ZNF469: variants seen among roughly 807,000 people sequenced by gnomAD.
ZNF469 encodes the protein zinc finger protein 469.
In ZNF469, 1 loss-of-function variant was observed where a neutral mutation model predicts 1.0. The observed-to-expected ratio is 1.00, with a 90% CI of 0.35 to 4.73. ZNF469 has a LOEUF of 4.73. Ranked by LOEUF, ZNF469 falls within the 30% of genes most tolerant of loss-of-function variation. ZNF469 has a pLI of 0.16. For missense variants in ZNF469, 6,100 were observed against 5,356.3 expected (o/e 1.14, Z -4.33); for synonymous variants, 2,703 against 2,363.4 (o/e 1.14, Z -4.17).
the ZNF469 span, among the ~76,000 whole-genome samples, chr16:88,347,673 G>A: frequency 1.3e-5 from 2 of 152,214 alleles, no homozygotes; most frequent in Non-Finnish European, 2.9e-5. Context: ...GGAAGGCGGG[G>A]CCAGTCTCCT....
At chr16:88,408,666 G>A (rs72805351) in intron 1 of ZNF469, among the ~76,000 whole-genome samples, 12,107 of 152,210 alleles carry the variant, frequency 0.08, 699 homozygotes, top group Non-Finnish European at 0.12. Context: ...CTTTCCTTCC[G>A]GAATCGTCTC....
At chr16:88,288,969 C>T in the ZNF469 span, among the ~76,000 whole-genome samples, 41 of 152,132 alleles carry the variant, frequency 2.7e-4, no homozygotes, top group African/African-American at 9.9e-4. Flanking sequence ...GGTGACTCTA[C>T]AGTTATAGTA....
the ZNF469 span, among the ~76,000 whole-genome samples, chr16:88,228,460 A>G: frequency 1.3e-5 from 2 of 152,252 alleles, no homozygotes; most frequent in East Asian, 3.8e-4. Flanking sequence ...CAGCCCTGTC[A>G]GAGCAGAGGA....
At chr16:88,244,397 A>ATGGATGGATGGATGGG in the ZNF469 span, among the ~76,000 whole-genome samples, 4 of 25,796 alleles carry the variant, frequency 1.6e-4, no homozygotes, top group Admixed American at 1.2e-3. Context: ...GCATGGGTGG[A>ATGGATGGATGGATGGG]TGGATGGATG....
In ZNF469 at chr16:88,429,734, T is replaced by C; in HGVS notation, c.2264T>C (p.Leu755Pro). 1 of 1,544,552 alleles carries C rather than the reference T, an allele frequency of 6.5e-7. No homozygotes were observed. The highest frequency in any genetic ancestry group is 8.7e-7 in the Non-Finnish European group (1 of 1,144,334). ...CTGGCCCACCGGCAGTTCTGTGGCC[T>C]GCTCCTGGCCAGGGCCAAGGATGGC... is the stretch of plus-strand genomic sequence containing the variant. ...AFLAHRQFCG[L>P]LLARAKDGHQ... The change falls in exon 3 of 3, where the codon CTG (leucine) becomes CCG (proline). Residue 755 changes from leucine (L) to proline (P), a missense_variant. Physicochemically the swap from Leu to Pro is moderately conservative, Grantham distance 98. Transcript: ENST00000565624.
rs1354043098 is a variant in ZNF469, at chr16:88,438,963, G to A, written c.11493G>A (p.Val3831=). ...CAGGGCCAGCCAGGAGTGAAAGTGTGGGGAGCTTCGGGAGAGCCCCCTCAG... is the reference window on the plus strand; with the variant it reads ...CAGGGCCAGCCAGGAGTGAAAGTGTAGGGAGCTTCGGGAGAGCCCCCTCAG... ...QVPGPARSES[V]GSFGRAPSAP... The change falls in exon 3 of 3, where the codon GTG becomes GTA. Residue 3831 remains valine (V), a synonymous_variant. Transcript: ENST00000565624. 1 of 1,550,396 alleles carries A rather than the reference G, an allele frequency of 6.4e-7. No individual in the cohort carries two copies. The highest frequency in any genetic ancestry group is 2.4e-5 in the East Asian group (1 of 40,918).
chr16:88,432,656 C>T lies in ZNF469; in HGVS notation c.5186C>T (p.Pro1729Leu), dbSNP rs1906282839. ...TGCCTGCCTGAGCCCAGCAAGCAGC[C>T]TGGCCCACAGCTGGATGCCGGGAGT... is the stretch of plus-strand genomic sequence containing the variant. Reference protein sequence around the residue: ...DVCLPEPSKQPGPQLDAGSLA... With the variant: ...DVCLPEPSKQLGPQLDAGSLA... Residue 1729 changes from proline (P) to leucine (L), a missense_variant, in exon 3 of 3, where the codon CCT becomes CTT. Pro to Leu is a moderately conservative substitution (Grantham distance 98, BLOSUM62 -3). Transcript: ENST00000565624. 2 of 1,550,454 alleles carry T rather than the reference C, an allele frequency of 1.3e-6. No homozygotes were observed. Among genetic ancestry groups the T allele is most frequent in the East Asian group, 2.4e-5 (1 of 40,926 alleles).
the ZNF469 span, among the ~76,000 whole-genome samples, chr16:88,148,515 A>G: frequency 2.0e-5 from 3 of 152,168 alleles, no homozygotes; most frequent in Admixed American, 1.3e-4. Context: ...CAGAGGGGCA[A>G]TGTGGAAGCC....
At chr16:88,405,343 C>T (rs148616540) in intron 1 of ZNF469, among the ~76,000 whole-genome samples, 2 of 152,286 alleles carry the variant, frequency 1.3e-5, no homozygotes, top group African/African-American at 4.8e-5. Context: ...ATTAGAAGTG[C>T]ACGAGAATAT....
chr16:88,203,705 T>C, the ZNF469 span, among the ~76,000 whole-genome samples: 4 of 151,286 alleles, frequency 2.6e-5, no homozygotes, highest in African/African-American at 9.7e-5. Context: ...CATCCTCACA[T>C]GGCCTCTGCT....
At chr16:88,306,636 A>AT in the ZNF469 span, among the ~76,000 whole-genome samples, 1 of 152,128 alleles carries the variant, frequency 6.6e-6, no homozygotes, top group African/African-American at 2.4e-5. Context: ...ACTGCCCGGC[A>AT]TTGCTTGATG....
chr16:88,190,758 C>T, the ZNF469 span, among the ~76,000 whole-genome samples: 5 of 152,184 alleles, frequency 3.3e-5, no homozygotes, highest in South Asian at 4.1e-4. Flanking sequence ...GTTGAGTAAA[C>T]GGGAGTGCTG....
the ZNF469 span, among the ~76,000 whole-genome samples, chr16:88,134,709 G>A: frequency 3.9e-5 from 6 of 152,362 alleles, no homozygotes; most frequent in Admixed American, 6.5e-5. Context: ...GTTGCCACGC[G>A]TGTAAATCCC....
Position 88,432,559 on chromosome 16 carries a change from G to T in ZNF469, c.5089G>T (p.Val1697Leu). ...PRGANFHFQPVQKAGASKTGL... is the reference protein window; with the variant it reads ...PRGANFHFQPLQKAGASKTGL... ...GGGAGCCAACTTCCATTTTCAGCCAGTGCAGAAAGCCGGAGCCTCCAAGAC... is the reference window on the plus strand; with the variant it reads ...GGGAGCCAACTTCCATTTTCAGCCATTGCAGAAAGCCGGAGCCTCCAAGAC... Residue 1697 changes from valine (V) to leucine (L), a missense_variant, in exon 3 of 3, where the codon GTG (valine) becomes TTG (leucine). Physicochemically the swap from Val to Leu is conservative, Grantham distance 32. Transcript: ENST00000565624. The T allele has an allele frequency of 6.4e-7, 1 of 1,550,424 alleles. No homozygotes were observed.
the ZNF469 span, among the ~76,000 whole-genome samples, chr16:88,212,187 G>A: frequency 6.6e-6 from 1 of 152,042 alleles, no homozygotes; most frequent in Non-Finnish European, 1.5e-5. Context: ...TATATGTAAT[G>A]TCTAATAGTC....
intron 1 of ZNF469, among the ~76,000 whole-genome samples, chr16:88,394,161 A>G (rs12446682): frequency 0.45 from 43,699 of 97,132 alleles, 13,599 homozygotes; most frequent in African/African-American, 0.67. Context: ...TCCGAGAGGG[A>G]TGGGGTTTGA....
At chr16:88,341,739 G>A in the ZNF469 span, among the ~76,000 whole-genome samples, 1 of 152,214 alleles carries the variant, frequency 6.6e-6, no homozygotes, top group Non-Finnish European at 1.5e-5. Flanking sequence ...ACAGACTGGG[G>A]GTGGGGTTCA....
chr16:88,394,671 C>A (rs1273723748), intron 1 of ZNF469, among the ~76,000 whole-genome samples: 1 of 152,186 alleles, frequency 6.6e-6, no homozygotes, highest in Non-Finnish European at 1.5e-5. Flanking sequence ...GCTGGAGGTA[C>A]CTTGTCATTT....
chr16:88,251,155 G>A, the ZNF469 span, among the ~76,000 whole-genome samples: 1 of 152,168 alleles, frequency 6.6e-6, no homozygotes, highest in African/African-American at 2.4e-5. Context: ...TGGGATTACA[G>A]GCATGAGCCA....
Sources: gnomAD v4.1 joint callset for allele counts (sites outside exome capture counted in the v4.1 genomes callset) on GRCh38, gnomAD v4.1.1 for gene constraint, MANE v1.5 for transcripts, NCBI Gene and HGNC (gene_info 2026-07-23, HGNC 2026-07-21) for gene names.